Variants in CNTNAP2 observed in about 807,000 individuals in gnomAD.
The protein encoded by CNTNAP2 is contactin-associated protein-like 2.
In CNTNAP2, 98 loss-of-function variants were observed where a neutral mutation model predicts 155.2. The observed-to-expected ratio is 0.63, with a 90% CI of 0.54 to 0.75. The LOEUF is 0.75. CNTNAP2 is among the 30% of genes least tolerant of loss of function. CNTNAP2 has a pLI of 0.00. For synonymous variants in CNTNAP2, 651 were observed against 631.2 expected (o/e 1.03, Z -0.47); for missense variants, 1,727 against 1,688.1 (o/e 1.02, Z -0.40).
rs545659165 is a variant in CNTNAP2 at position 148,219,867 on chromosome 7, A to T, written c.3247+2343A>T. Among the ~76,000 whole-genome samples the T allele has an allele frequency of 5.5e-3, 836 of 151,682 alleles. 3 individuals carry two copies. The highest frequency in any genetic ancestry group is 0.018 in the South Asian group (87 of 4,786). The stretch of plus-strand genomic sequence containing the variant: ...CCCTGTCTCTAAAATAAAATAATTT[A>T]AAAAAAAAGAAAAAAGGAGATCAAG... On this transcript the variant is annotated intron_variant, in intron 19 of 23. Coordinates refer to ENST00000361727, the MANE Select transcript of CNTNAP2 (RefSeq NM_014141.6).
intron 9 of CNTNAP2, among the ~76,000 whole-genome samples, chr7:147,382,390 A>T (rs534090347): frequency 4.2e-4 from 64 of 152,264 alleles, no homozygotes; most frequent in Middle Eastern, 3.4e-3. Context: ...AATTAATATG[A>T]TATGATTGTG....
intron 22 of CNTNAP2, among the ~76,000 whole-genome samples, chr7:148,384,374 G>A (rs1799143464): frequency 1.3e-5 from 2 of 152,188 alleles, no homozygotes; most frequent in African/African-American, 2.4e-5. Context: ...AAACTCTGTG[G>A]ATTTAGTCCC....
chr7:147,644,787 GTTTA>G (rs1795339196), intron 13 of CNTNAP2, among the ~76,000 whole-genome samples: 1 of 152,044 alleles, frequency 6.6e-6, no homozygotes, highest in Non-Finnish European at 1.5e-5. Flanking sequence ...CCATTAAAAT[GTTTA>G]TTTGTGTATC....
chr7:148,155,733 A>G (rs747088328), intron 17 of CNTNAP2, among the ~76,000 whole-genome samples: 2 of 152,198 alleles, frequency 1.3e-5, no homozygotes, highest in Non-Finnish European at 2.9e-5. Context: ...TTTCTAAAGT[A>G]AGTGCTCTTA....
intron 1 of CNTNAP2, among the ~76,000 whole-genome samples, chr7:146,256,107 A>C (rs888282301): frequency 6.6e-6 from 1 of 152,218 alleles, no homozygotes; most frequent in Non-Finnish European, 1.5e-5. Context: ...ATGCATGCAT[A>C]AAGTGTGTTG....
chr7:148,229,540 A>G, intron 19 of CNTNAP2, 106 bp from the exon 20 acceptor site: 1 of 1,429,800 alleles, frequency 7.0e-7, no homozygotes, highest in Non-Finnish European at 9.7e-7. Flanking sequence ...AAAGAAAAGA[A>G]AAGAAAGGAA....
chr7:147,346,153 ATTTT>A (rs1276421589), intron 9 of CNTNAP2, among the ~76,000 whole-genome samples: 1 of 43,646 alleles, frequency 2.3e-5, no homozygotes, highest in East Asian at 5.2e-4. Flanking sequence ...ATTTTATTTT[ATTTT>A]TTTTTTTTGA....
intron 13 of CNTNAP2, among the ~76,000 whole-genome samples, chr7:147,897,746 T>A (rs541049994): frequency 6.6e-6 from 1 of 152,220 alleles, no homozygotes; most frequent in Non-Finnish European, 1.5e-5. Context: ...GTGGTTGAGA[T>A]GCTGTGGTTT....
chr7:147,870,027 T>C (rs1397680420), intron 13 of CNTNAP2, among the ~76,000 whole-genome samples: 1 of 152,158 alleles, frequency 6.6e-6, no homozygotes, highest in Non-Finnish European at 1.5e-5. Flanking sequence ...ATTACTTCCA[T>C]TTAACAGGTG....
intron 1 of CNTNAP2, among the ~76,000 whole-genome samples, chr7:146,738,078 T>A (rs1035022863): frequency 6.6e-6 from 1 of 152,076 alleles, no homozygotes; most frequent in African/African-American, 2.4e-5. Flanking sequence ...ATTTTCAATT[T>A]GTTGAGGAGC....
intron 3 of CNTNAP2, among the ~76,000 whole-genome samples, chr7:146,939,906 T>C (rs2129225278): frequency 6.6e-6 from 1 of 152,322 alleles, no homozygotes; most frequent in South Asian, 2.1e-4. Context: ...TTCAGTTTTT[T>C]ACATTTTATT....
intron 3 of CNTNAP2, among the ~76,000 whole-genome samples, chr7:146,909,222 G>C (rs1266597207): frequency 5.4e-5 from 8 of 148,578 alleles, no homozygotes; most frequent in African/African-American, 2.0e-4. Context: ...TCTACCAGAG[G>C]TACAAGGAGG....
chr7:148,264,959 T>C (rs4557616), intron 20 of CNTNAP2, among the ~76,000 whole-genome samples: 150,494 of 152,362 alleles, frequency 0.99, 74,351 homozygotes, highest in Middle Eastern at 1. Context: ...TCCCAAAGTG[T>C]TGGGATTACA....
intron 15 of CNTNAP2, among the ~76,000 whole-genome samples, chr7:148,002,896 G>C (rs1364640677): frequency 1.5e-4 from 23 of 152,142 alleles, no homozygotes; most frequent in Admixed American, 1.5e-3. Context: ...TGGCTACTGT[G>C]TAAGTACATA....
intron 12 of CNTNAP2, among the ~76,000 whole-genome samples, chr7:147,567,700 A>G (rs1465629088): frequency 6.6e-6 from 1 of 152,154 alleles, no homozygotes; most frequent in African/African-American, 2.4e-5. Context: ...GTAAGATTCT[A>G]TGTTGCTTTG....
chr7:146,655,625 T>C (rs556035993), intron 1 of CNTNAP2, among the ~76,000 whole-genome samples: 27 of 152,176 alleles, frequency 1.8e-4, no homozygotes, highest in Admixed American at 7.2e-4. Context: ...CAGTAAATAA[T>C]TGATCTCCCT....
At position 146,454,258 on chromosome 7, in the gene CNTNAP2, C is replaced by T. The variant is rs142131752; in HGVS notation, c.98-320013C>T. ...GATATTTTTTAAACCTTAGATCTGT[C>T]GGCCATTTCTTAGTATTCCTTAGTA... On this transcript the variant is annotated intron_variant, in intron 1 of 23. Transcript: ENST00000361727. Among the ~76,000 whole-genome samples the T allele has an allele frequency of 2.9e-3, 444 of 152,216 alleles. 5 individuals carry two copies. The highest frequency in any genetic ancestry group is 0.01 in the African/African-American group (426 of 41,552).
chr7:147,850,898 C>T, intron 13 of CNTNAP2, among the ~76,000 whole-genome samples: 1 of 152,084 alleles, frequency 6.6e-6, no homozygotes. Context: ...AAAGCAATGG[C>T]AACAAAAGCC....
rs5888269 is a variant in CNTNAP2, at chr7:147,542,301, T to TAA, written c.1778-19826_1778-19825dup. On this transcript the variant is annotated intron_variant, in intron 11 of 23. Coordinates refer to ENST00000361727, the MANE Select transcript of CNTNAP2 (RefSeq NM_014141.6). ...GGGAGACATTTGGATTGTTCAGTGG[T>TAA]AAAAAAAAAAAAGCTCCAAAAAAAA... Among the ~76,000 whole-genome samples, 1,340 of 143,598 alleles carry TAA rather than the reference T, an allele frequency of 9.3e-3. 10 individuals are homozygous for TAA. The highest frequency in any genetic ancestry group is 0.024 in the African/African-American group (936 of 39,062). 94.2% of individuals were successfully genotyped at this position (143,598 alleles called of 152,430 possible).
Sources: allele counts gnomAD v4.1 joint callset (sites outside exome capture counted in the v4.1 genomes callset), GRCh38; gene constraint gnomAD v4.1.1; transcripts MANE v1.5; gene names NCBI Gene and HGNC (gene_info 2026-07-23, HGNC 2026-07-21).